UNC80: variants seen among roughly 807,000 people sequenced by gnomAD.
UNC80 encodes the protein protein unc-80 homolog.
A neutral mutation model predicts 384.6 loss-of-function variants in UNC80; 164 were observed. The ratio of observed to expected loss-of-function variants is 0.43; its 90% CI spans 0.38 to 0.49. The LOEUF is 0.49. Ranked by LOEUF, UNC80 falls within the 20% of genes least tolerant of loss-of-function variation. The pLI is 0.00. For missense variants in UNC80, 3,330 were observed against 4,143.0 expected (o/e 0.80, Z 5.39); for synonymous variants, 1,486 against 1,527.8 (o/e 0.97, Z 0.64).
At chr2:209,945,434 A>G (rs2091868573) in intron 46 of UNC80, among the ~76,000 whole-genome samples, 2 of 152,138 alleles carry the variant, frequency 1.3e-5, no homozygotes, top group African/African-American at 2.4e-5. Context: ...TGCTCAGTAG[A>G]CCACTGCTGT....
chr2:209,907,289 G>A (rs1186608973), intron 29 of UNC80, among the ~76,000 whole-genome samples: 2 of 121,762 alleles, frequency 1.6e-5, no homozygotes, highest in East Asian at 2.0e-4. Context: ...TACAATAATG[G>A]GCAAAAAAAA....
intron 62 of UNC80, among the ~76,000 whole-genome samples, chr2:209,992,548 A>C (rs1276314298): frequency 6.6e-6 from 1 of 152,206 alleles, no homozygotes; most frequent in Non-Finnish European, 1.5e-5. Flanking sequence ...AAAACGTGGT[A>C]AGTACTTAGG....
chr2:209,990,541 TGCTTAGTATTAGGAGAA>T (rs1410015027), intron 61 of UNC80, among the ~76,000 whole-genome samples: 2 of 152,226 alleles, frequency 1.3e-5, no homozygotes, highest in Non-Finnish European at 2.9e-5. Flanking sequence ...ATGAAAGCTT[TGCTTAGTATTAGGAGAA>T]GCTTGTTTCT....
intron 36 of UNC80, among the ~76,000 whole-genome samples, chr2:209,927,629 A>G (rs913147280): frequency 1.4e-4 from 21 of 152,202 alleles, no homozygotes; most frequent in African/African-American, 4.8e-4. Context: ...ACTTTAAATG[A>G]AAATATCTAT....
chr2:209,882,955 CAGTT>C (rs1457444157), intron 25 of UNC80, among the ~76,000 whole-genome samples: 1 of 152,134 alleles, frequency 6.6e-6, no homozygotes, highest in Non-Finnish European at 1.5e-5. Flanking sequence ...GACTAACCTA[CAGTT>C]AGTTAGCAAG....
intron 23 of UNC80, among the ~76,000 whole-genome samples, chr2:209,877,463 A>G (rs572714616): frequency 6.6e-6 from 1 of 152,320 alleles, no homozygotes; most frequent in Non-Finnish European, 1.5e-5. Context: ...CAATAAGTAC[A>G]TATATAATGA....
chr2:209,937,598 C>G lies in UNC80; in HGVS notation c.6433C>G (p.Pro2145Ala). Residue 2145 changes from proline (P) to alanine (A), a missense_variant, in exon 42 of 65, where the codon CCA becomes GCA. By Grantham distance (27) the Pro-to-Ala change is conservative. Around this residue, in one of 8 missense-constraint regions of UNC80, gnomAD observed 1,049 missense variants for 1,488.6 expected, o/e 0.70. Coordinates refer to ENST00000673920, the MANE Select transcript of UNC80 (RefSeq NM_001371986.1). Reference protein sequence around the residue: ...SPQLNLVHMHPEKGQELIQKQ... With the variant: ...SPQLNLVHMHAEKGQELIQKQ... ...CCAGCTGAATCTTGTACATATGCAT[C>G]CAGAGAAGGGACAGGAGCTCATTCA... 1.3e-6 allele frequency: 2 copies of G among 1,551,820 alleles called. No homozygotes were observed. The highest frequency in any genetic ancestry group is 1.7e-6 in the Non-Finnish European group (2 of 1,146,796).
chr2:209,973,324 G>A, intron 56 of UNC80, 54 bp downstream of exon 56: 1 of 1,433,888 alleles, frequency 7.0e-7, no homozygotes. Flanking sequence ...GTATATGTAT[G>A]TGAAAATATA....
chr2:209,795,567 G>T (rs1455129818), intron 7 of UNC80: 1 of 152,214 alleles, frequency 6.6e-6, no homozygotes, highest in Non-Finnish European at 1.5e-5. Context: ...AGGCCCAGAG[G>T]CCCAGGAGGA....
At chr2:209,972,446 A>G (rs1309097828) in intron 55 of UNC80, 122 bp downstream of exon 55, 2 of 1,328,150 alleles carry the variant, frequency 1.5e-6, no homozygotes, top group African/African-American at 3.0e-5. Flanking sequence ...AATGATTTAA[A>G]TAGGGTCATC....
chr2:209,937,092 A>C (rs530326488), intron 41 of UNC80, among the ~76,000 whole-genome samples, 159 bp downstream of exon 41: 2 of 152,294 alleles, frequency 1.3e-5, no homozygotes, highest in African/African-American at 4.8e-5. Flanking sequence ...TTGACTGGCG[A>C]CTTCACCTTT....
chr2:209,901,426 A>T (rs1291577354), intron 28 of UNC80, among the ~76,000 whole-genome samples: 4 of 152,148 alleles, frequency 2.6e-5, no homozygotes, highest in Admixed American at 6.5e-5. Flanking sequence ...TGTTAAGTCC[A>T]CTGTTGAGAT....
intron 26 of UNC80, among the ~76,000 whole-genome samples, chr2:209,892,635 C>T (rs1316822668): frequency 1.3e-5 from 2 of 152,112 alleles, no homozygotes; most frequent in African/African-American, 4.8e-5. Context: ...AGAATATTAG[C>T]GTGTGCCTCT....
At chr2:209,838,641 G>T (rs1006593813) in intron 18 of UNC80, among the ~76,000 whole-genome samples, 1 of 152,096 alleles carries the variant, frequency 6.6e-6, no homozygotes, top group Admixed American at 6.6e-5. Flanking sequence ...GAACAGTGCT[G>T]CACAAGCCTT....
Position 209,817,031 on chromosome 2 carries a change from C to G in UNC80, c.1458C>G (p.Ser486=). Residue 486 remains serine, a synonymous_variant, in exon 10 of 65, where the codon TCC becomes TCG. Coordinates refer to ENST00000673920, the MANE Select transcript of UNC80 (RefSeq NM_001371986.1). The part of the protein sequence containing the change: ...FLLHEDHLDV[S]PTRSTFSFGS... ...TTCACGAGGACCACCTGGATGTGTCCCCCACGCGCAGCACATTCTCCTTTG... is the reference window on the plus strand; with the variant it reads ...TTCACGAGGACCACCTGGATGTGTCGCCCACGCGCAGCACATTCTCCTTTG... The G allele has an allele frequency of 6.4e-7, 1 of 1,551,714 alleles. No homozygotes were observed. The highest frequency in any genetic ancestry group is 8.7e-7 in the Non-Finnish European group (1 of 1,146,996).
At chr2:209,785,190 G>T (rs920159261) in intron 4 of UNC80, among the ~76,000 whole-genome samples, 1 of 152,128 alleles carries the variant, frequency 6.6e-6, no homozygotes, top group Non-Finnish European at 1.5e-5. Flanking sequence ...GCAAATCACT[G>T]CTCTAAGTGA....
At chr2:209,789,914 T>C (rs1009103575) in intron 6 of UNC80, among the ~76,000 whole-genome samples, 2 of 152,126 alleles carry the variant, frequency 1.3e-5, no homozygotes, top group African/African-American at 4.8e-5. Context: ...GTGTTAGTTA[T>C]CATTACATCC....
rs146945461 is a variant in UNC80 at position 209,880,766 on chromosome 2, T to C, written c.3977-195T>C. Among the ~76,000 whole-genome samples the C allele has an allele frequency of 2.1e-3, 319 of 152,322 alleles. 2 individuals carry two copies. The highest frequency in any genetic ancestry group is 7.4e-3 in the African/African-American group (309 of 41,576). On this transcript the variant is annotated intron_variant, in intron 24 of 64. Coordinates refer to ENST00000673920, the MANE Select transcript of UNC80 (RefSeq NM_001371986.1). ...GATGCTTATGTTAGTGCATAAGTCA[T>C]GCTAAAGGAATAGGTAAATTGAACT...
At chr2:209,835,768 A>G (rs1457784417) in intron 18 of UNC80, among the ~76,000 whole-genome samples, 1 of 152,234 alleles carries the variant, frequency 6.6e-6, no homozygotes, top group Non-Finnish European at 1.5e-5. Flanking sequence ...ATCCTGCAGA[A>G]TATTCTAGGT....
Sources: allele counts gnomAD v4.1 joint callset (sites outside exome capture counted in the v4.1 genomes callset), GRCh38; gene constraint gnomAD v4.1.1; regional missense constraint gnomAD v4.1.1; transcripts MANE v1.5; gene names NCBI Gene and HGNC (gene_info 2026-07-23, HGNC 2026-07-21).